ADGRV1: variants seen among roughly 807,000 people sequenced by gnomAD.
ADGRV1 encodes G-protein coupled receptor 98.
ADGRV1 carries 359 observed loss-of-function variants against 596.2 expected under a neutral mutation model. The observed-to-expected ratio is 0.60, with a 90% CI of 0.55 to 0.66. ADGRV1 has a LOEUF of 0.66. ADGRV1 is among the 30% of genes least tolerant of loss of function. ADGRV1 has a pLI of 0.00. For synonymous variants in ADGRV1, 2,681 were observed against 2,679.2 expected, an observed-to-expected ratio of 1.00 and a Z score of -0.02; for missense variants, 7,274 against 7,575.6, an observed-to-expected ratio of 0.96 and a Z score of 1.48.
Position 90,720,937 on chromosome 5 carries a change from C to G in ADGRV1, c.9626C>G (p.Ala3209Gly). 3.7e-6 allele frequency: 6 copies of G among 1,601,272 alleles called. No homozygotes were observed. In the Middle Eastern group the frequency reaches 6.7e-4, roughly 178 times the overall value. Residue 3209 changes from alanine to glycine, a missense_variant and splice_region_variant, in exon 45 of 90, where the codon GCC (alanine) becomes GGC (glycine). Ala to Gly is a moderately conservative substitution (Grantham distance 60). Coordinates refer to ENST00000405460, the MANE Select transcript of ADGRV1 (RefSeq NM_032119.4). Reference protein sequence around the residue: ...LFSISAVENRATSIDIEEANR... With the variant: ...LFSISAVENRGTSIDIEEANR... ...CTCAATCCATGTATTTCTTTCAGAG[C>G]CACCTCCATAGACATCGAAGAAGCC...
intron 67 of ADGRV1, among the ~76,000 whole-genome samples, chr5:90,786,663 A>G (rs1759487340): frequency 6.6e-6 from 1 of 152,158 alleles, no homozygotes; most frequent in Admixed American, 6.5e-5. Flanking sequence ...GTATACATTG[A>G]TATTTGGAAG....
chr5:90,785,173 A>G (rs1056159924), intron 67 of ADGRV1, among the ~76,000 whole-genome samples: 5 of 152,212 alleles, frequency 3.3e-5, no homozygotes, highest in Admixed American at 3.3e-4. Flanking sequence ...CCTATTTAAT[A>G]AATGGTGTTG....
At chr5:90,692,027 A>G (rs1746541402) in intron 31 of ADGRV1, among the ~76,000 whole-genome samples, 5 of 152,206 alleles carry the variant, frequency 3.3e-5, no homozygotes, top group Admixed American at 3.3e-4. Context: ...CTTTAATAGT[A>G]TAAAATTTTA....
intron 87 of ADGRV1, among the ~76,000 whole-genome samples, chr5:91,118,124 G>A (rs1173622741): frequency 6.6e-6 from 1 of 152,062 alleles, no homozygotes; most frequent in Non-Finnish European, 1.5e-5. Context: ...GGCTGTAAAT[G>A]TTACCAAATT....
chr5:90,896,278 T>G lies in ADGRV1; in HGVS notation c.17856+32421T>G, dbSNP rs901456725. Among the ~76,000 whole-genome samples the G allele has an allele frequency of 4.3e-4, 60 of 140,408 alleles. 1 individual carries two copies. Among genetic ancestry groups the G allele is most frequent in the African/African-American group, 1.3e-3 (50 of 37,954 alleles). 92.1% of individuals were successfully genotyped at this position (140,408 alleles called of 152,430 possible). A position where few individuals can be genotyped will look rare whatever the true frequency, so the allele number is the denominator to read the frequency against. On this transcript the variant is annotated intron_variant, in intron 83 of 89. Coordinates refer to ENST00000405460, the MANE Select transcript of ADGRV1 (RefSeq NM_032119.4). Reference sequence around the variant, plus strand: ...TACGGTGACCAGTGGTTTTTTTTTTTTTTTTTTTTTGAGACAGAGTCTTGC... The same window carrying G: ...TACGGTGACCAGTGGTTTTTTTTTTGTTTTTTTTTTGAGACAGAGTCTTGC...
At chr5:90,666,154 A>T (rs1468511734) in intron 21 of ADGRV1, among the ~76,000 whole-genome samples, 3 of 150,390 alleles carry the variant, frequency 2.0e-5, no homozygotes, top group African/African-American at 7.4e-5. Context: ...GCTGAGTTCA[A>T]TTCCTGGGTA....
At chr5:90,986,201 G>A (rs1258711397) in intron 85 of ADGRV1, among the ~76,000 whole-genome samples, 1 of 150,332 alleles carries the variant, frequency 6.7e-6, no homozygotes, top group Non-Finnish European at 1.5e-5. Context: ...CCACATGTAG[G>A]GGGTGGAAAA....
chr5:91,017,414 C>G (rs536443123), intron 85 of ADGRV1, among the ~76,000 whole-genome samples: 1 of 151,716 alleles, frequency 6.6e-6, no homozygotes, highest in African/African-American at 2.4e-5. Context: ...TATGAAATGT[C>G]TTTTGCTTTC....
Position 91,073,000 on chromosome 5 carries a change from G to A in ADGRV1, c.18310+396G>A, listed in dbSNP as rs568333665. ...CTCCGCAGTGCTCATGAGTGTGCAT[G>A]CAGAGCTCTGGTTGTGCTGACAGAT... On this transcript the variant is annotated intron_variant, in intron 86 of 89. Coordinates refer to ENST00000405460, the MANE Select transcript of ADGRV1 (RefSeq NM_032119.4). Among the ~76,000 whole-genome samples, 17 of 152,310 alleles carry A rather than the reference G, an allele frequency of 1.1e-4. No individual in the cohort carries two copies. In the South Asian group the frequency reaches 3.3e-3, roughly 30 times the overall value.
chr5:91,148,991 T>C (rs1205812543), intron 87 of ADGRV1, among the ~76,000 whole-genome samples: 1 of 152,218 alleles, frequency 6.6e-6, no homozygotes. Flanking sequence ...GACCAATTAC[T>C]CACATTTGGA....
intron 1 of ADGRV1, among the ~76,000 whole-genome samples, chr5:90,571,221 A>G (rs1756484946): frequency 6.6e-6 from 1 of 152,010 alleles, no homozygotes; most frequent in African/African-American, 2.4e-5. Context: ...CCTGGGAAAC[A>G]GTAAGTCTCC....
At chr5:90,595,065 G>C (rs1760102620) in intron 1 of ADGRV1, among the ~76,000 whole-genome samples, 1 of 138,712 alleles carries the variant, frequency 7.2e-6, no homozygotes, top group African/African-American at 2.8e-5. Context: ...GGGCGGCCGG[G>C]CAGAGGCGCC....
At chr5:90,692,857 A>T in intron 32 of ADGRV1, 71 bp downstream of exon 32, 1 of 1,176,888 alleles carries the variant, frequency 8.5e-7, no homozygotes, top group Non-Finnish European at 1.2e-6. Flanking sequence ...GATCCCTTGC[A>T]CAGTTAAATC....
At chr5:90,789,950 G>A in intron 69 of ADGRV1, 99 bp downstream of exon 69, 2 of 874,176 alleles carry the variant, frequency 2.3e-6, no homozygotes, top group Non-Finnish European at 3.1e-6. Context: ...TAAAGTTTTT[G>A]ATAAACTAAA....
intron 50 of ADGRV1, among the ~76,000 whole-genome samples, chr5:90,738,784 T>A (rs553550087): frequency 1.3e-5 from 2 of 152,290 alleles, no homozygotes; most frequent in African/African-American, 4.8e-5. Context: ...CTTCATTGAG[T>A]TGAATTTGAC....
At chr5:90,758,330 C>G (rs1419110733) in intron 57 of ADGRV1, among the ~76,000 whole-genome samples, 1 of 151,874 alleles carries the variant, frequency 6.6e-6, no homozygotes, top group East Asian at 1.9e-4. Flanking sequence ...GAGACTCCAT[C>G]TCAAAAAAAA....
chr5:90,737,856 G>C (rs987286621), intron 50 of ADGRV1, among the ~76,000 whole-genome samples: 7 of 151,204 alleles, frequency 4.6e-5, no homozygotes, highest in African/African-American at 1.7e-4. Flanking sequence ...CATATGATTG[G>C]ATCTTATTTT....
intron 1 of ADGRV1, among the ~76,000 whole-genome samples, chr5:90,596,736 A>T (rs1760702334): frequency 6.6e-6 from 1 of 152,210 alleles, no homozygotes; most frequent in Non-Finnish European, 1.5e-5. Context: ...CCGAGATGGC[A>T]GCAGTACAGT....
intron 59 of ADGRV1, among the ~76,000 whole-genome samples, chr5:90,769,221 TC>T (rs1757442197): frequency 6.6e-6 from 1 of 152,110 alleles, no homozygotes; most frequent in Admixed American, 6.6e-5. Flanking sequence ...AGAAGTTTGT[TC>T]TGAAAAGCTC....
Sources: gnomAD v4.1 joint callset for allele counts (sites outside exome capture counted in the v4.1 genomes callset) on GRCh38, gnomAD v4.1.1 for gene constraint, MANE v1.5 for transcripts, NCBI Gene and HGNC (gene_info 2026-07-23, HGNC 2026-07-21) for gene names.